ROBO1: variants seen among roughly 807,000 people sequenced by gnomAD.
ROBO1 encodes the protein roundabout guidance receptor 1, also known as roundabout homolog 1.
ROBO1 carries 149 observed loss-of-function variants against 195.9 expected under a neutral mutation model. The observed-to-expected ratio is 0.76, with a 90% CI of 0.67 to 0.87. The LOEUF (loss-of-function observed/expected upper bound fraction) is 0.87, where lower values mean the gene tolerates loss of function less well. ROBO1 is among the 40% of genes least tolerant of loss of function. The pLI, the probability that ROBO1 is intolerant of heterozygous loss-of-function variation, is 0.00. For missense variants in ROBO1, 1,933 were observed against 2,068.3 expected (o/e 0.93, Z 1.27); for synonymous variants, 816 against 733.2 (o/e 1.11, Z -1.82).
intron 3 of ROBO1, among the ~76,000 whole-genome samples, chr3:79,034,187 G>A (rs2078343525): frequency 6.6e-6 from 1 of 152,104 alleles, no homozygotes; most frequent in South Asian, 2.1e-4. Context: ...ACAAAATGAT[G>A]TAAACATATT....
intron 4 of ROBO1, among the ~76,000 whole-genome samples, chr3:78,911,002 C>T (rs887593605): frequency 1.3e-5 from 2 of 151,924 alleles, no homozygotes; most frequent in African/African-American, 4.8e-5. Flanking sequence ...GATTCTGAAA[C>T]GCACTAAAGT....
At chr3:79,597,284 A>C (rs1219583662) in intron 1 of ROBO1, among the ~76,000 whole-genome samples, 1 of 151,994 alleles carries the variant, frequency 6.6e-6, no homozygotes, top group Non-Finnish European at 1.5e-5. Flanking sequence ...TTTTCACTTG[A>C]AATTTAAAAA....
chr3:79,350,824 T>A (rs2035313188), intron 2 of ROBO1, among the ~76,000 whole-genome samples: 1 of 151,972 alleles, frequency 6.6e-6, no homozygotes, highest in Admixed American at 6.6e-5. Context: ...TTACAAGAAT[T>A]CTTTTTTTTT....
chr3:79,217,024 T>C (rs2082066580), intron 2 of ROBO1, among the ~76,000 whole-genome samples: 1 of 152,130 alleles, frequency 6.6e-6, no homozygotes, highest in Non-Finnish European at 1.5e-5. Context: ...TAATGTAATG[T>C]AGACCATTTG....
chr3:79,123,804 T>C (rs1192698788), intron 3 of ROBO1, among the ~76,000 whole-genome samples: 2 of 152,058 alleles, frequency 1.3e-5, no homozygotes, highest in African/African-American at 2.4e-5. Context: ...ATATGTTTAA[T>C]AGGACAAATC....
intron 2 of ROBO1, among the ~76,000 whole-genome samples, chr3:79,494,460 A>C (rs1051575556): frequency 6.6e-6 from 1 of 152,192 alleles, no homozygotes; most frequent in Admixed American, 6.5e-5. Context: ...AAAAAATACA[A>C]TTTTTTAAAA....
intron 5 of ROBO1, among the ~76,000 whole-genome samples, chr3:78,734,903 G>A (rs954828259): frequency 6.6e-6 from 1 of 152,056 alleles, no homozygotes; most frequent in Admixed American, 6.6e-5. Flanking sequence ...CCCGACTATG[G>A]TCCTGGAGTC....
chr3:78,871,144 A>T (rs1034203006), intron 4 of ROBO1, among the ~76,000 whole-genome samples: 2 of 152,168 alleles, frequency 1.3e-5, no homozygotes, highest in African/African-American at 4.8e-5. Flanking sequence ...TTCTGAAAGA[A>T]AGCAAACCCA....
At chr3:79,385,254 A>C (rs2036701018) in intron 2 of ROBO1, among the ~76,000 whole-genome samples, 1 of 152,154 alleles carries the variant, frequency 6.6e-6, no homozygotes, top group South Asian at 2.1e-4. Context: ...AGATGGCTTC[A>C]GTTATTTGAA....
chr3:79,751,322 T>A (rs1254568635), intron 1 of ROBO1, among the ~76,000 whole-genome samples: 1 of 152,206 alleles, frequency 6.6e-6, no homozygotes, highest in African/African-American at 2.4e-5. Context: ...TATTGTATTA[T>A]CATATCATTA....
At chr3:79,353,583 G>A (rs1033671922) in intron 2 of ROBO1, among the ~76,000 whole-genome samples, 8 of 152,074 alleles carry the variant, frequency 5.3e-5, no homozygotes, top group Admixed American at 1.3e-4. Flanking sequence ...CAATCCAAGC[G>A]TGTGGACATG....
At chr3:79,202,681 T>C (rs1223448002) in intron 2 of ROBO1, among the ~76,000 whole-genome samples, 1 of 151,792 alleles carries the variant, frequency 6.6e-6, no homozygotes, top group Non-Finnish European at 1.5e-5. Flanking sequence ...GCATGGCCCA[T>C]ATGCTTTCAA....
At chr3:79,384,213 A>G (rs937136435) in intron 2 of ROBO1, among the ~76,000 whole-genome samples, 2 of 152,020 alleles carry the variant, frequency 1.3e-5, no homozygotes, top group Admixed American at 6.6e-5. Context: ...AGTTGATACT[A>G]TATTCTATGA....
intron 3 of ROBO1, among the ~76,000 whole-genome samples, chr3:79,067,099 A>G (rs984508694): frequency 6.6e-6 from 1 of 151,988 alleles, no homozygotes; most frequent in Admixed American, 6.6e-5. Context: ...TAGTGGGCAC[A>G]CAAGGCAGGA....
At chr3:78,767,739 T>A (rs756654689) in intron 4 of ROBO1, among the ~76,000 whole-genome samples, 14 of 152,178 alleles carry the variant, frequency 9.2e-5, no homozygotes, top group Non-Finnish European at 1.9e-4. Context: ...CCTCAAATGA[T>A]CTTTTGTATT....
intron 3 of ROBO1, among the ~76,000 whole-genome samples, chr3:78,985,920 T>G (rs1175932229): frequency 6.6e-6 from 1 of 152,054 alleles, no homozygotes; most frequent in Non-Finnish European, 1.5e-5. Flanking sequence ...GTTATGTGGA[T>G]GATGAAAACC....
intron 4 of ROBO1, among the ~76,000 whole-genome samples, chr3:78,750,609 C>T (rs141941912): frequency 1.3e-5 from 2 of 151,950 alleles, no homozygotes; most frequent in Admixed American, 6.6e-5. Context: ...TAAGTAAACA[C>T]GTTTTCAGAA....
chr3:79,152,447 C>A (rs1235457814), intron 2 of ROBO1, among the ~76,000 whole-genome samples: 2 of 151,710 alleles, frequency 1.3e-5, no homozygotes, highest in Non-Finnish European at 2.9e-5. Context: ...CCCTTCACTG[C>A]ATTTCTACTT....
Position 78,627,471 on chromosome 3 carries a change from G to T in ROBO1, c.3725C>A (p.Pro1242His), listed in dbSNP as rs1300496480. Residue 1242 changes from proline to histidine, a missense_variant, in exon 26 of 31, where the codon CCT becomes CAT. Coordinates refer to ENST00000464233, the MANE Select transcript of ROBO1 (RefSeq NM_002941.4). Reference protein sequence around the residue: ...EEEDERGPTPPVRGAASSPAA... With the variant: ...EEEDERGPTPHVRGAASSPAA... ...TGGAGAAGAAGCTGCTCCCCGAACA[G>T]GGGGAGTGGGGCCTCGTTCATCTTC... 2 of 1,613,164 alleles carry T rather than the reference G, an allele frequency of 1.2e-6. No homozygotes were observed. The highest frequency in any genetic ancestry group is 1.7e-6 in the Non-Finnish European group (2 of 1,179,584).
Sources: gnomAD v4.1 joint callset for allele counts (sites outside exome capture counted in the v4.1 genomes callset) on GRCh38, gnomAD v4.1.1 for gene constraint, MANE v1.5 for transcripts, NCBI Gene and HGNC (gene_info 2026-07-23, HGNC 2026-07-21) for gene names.